The following GBE1 variants were observed in gnomAD, a reference collection of about 807,000 sequenced individuals.
The protein encoded by GBE1 is 1,4-alpha-glucan-branching enzyme.
A neutral mutation model predicts 88.8 loss-of-function variants in GBE1; 70 were observed. The ratio of observed to expected loss-of-function variants is 0.79; its 90% CI spans 0.65 to 0.96. The LOEUF is 0.96. GBE1 is among the 40% of genes least tolerant of loss of function. GBE1 has a pLI of 0.00. For synonymous variants in GBE1, 284 were observed against 300.1 expected, an observed-to-expected ratio of 0.95 and a Z score of 0.56; for missense variants, 872 against 871.0, an observed-to-expected ratio of 1.00 and a Z score of -0.01.
In GBE1 at chr3:81,592,744, G is replaced by A. The variant is rs143739918; in HGVS notation, c.1108+1164C>T. ...AATTCTTGGAAGATACTCCTCTCTC[G>A]GTGAGGTAGTTTCTGCAGGGGCACG... On this transcript the variant is annotated intron_variant, in intron 8 of 15. Transcript: ENST00000429644. 4.5e-3 allele frequency among the ~76,000 whole-genome samples: 677 copies of A among 151,932 alleles called. 6 individuals carry two copies. The highest frequency in any genetic ancestry group is 0.027 in the Middle Eastern group (8 of 294).
At chr3:81,752,403 C>T (rs1706543073) in intron 1 of GBE1, among the ~76,000 whole-genome samples, 1 of 152,158 alleles carries the variant, frequency 6.6e-6, no homozygotes, top group African/African-American at 2.4e-5. Flanking sequence ...ATTCCTCTAA[C>T]CATCTACAGT....
intron 12 of GBE1, among the ~76,000 whole-genome samples, chr3:81,563,206 A>C (rs181095474): frequency 1.4e-4 from 22 of 152,278 alleles, no homozygotes; most frequent in African/African-American, 5.3e-4. Context: ...TGGAAAGAAG[A>C]TCTGTAGGTT....
intron 14 of GBE1, among the ~76,000 whole-genome samples, chr3:81,521,565 A>C (rs1479326687): frequency 2.6e-5 from 4 of 151,616 alleles, no homozygotes; most frequent in African/African-American, 9.7e-5. Context: ...AAAAGGCCAA[A>C]ATGAGACAAA....
At chr3:81,629,040 T>TTA (rs1704465885) in intron 7 of GBE1, among the ~76,000 whole-genome samples, 3 of 142,368 alleles carry the variant, frequency 2.1e-5, no homozygotes, top group Non-Finnish European at 4.6e-5. Context: ...TTTTTTTTTT[T>TTA]ATTATACTCT....
chr3:81,717,601 C>T (rs572387635), intron 1 of GBE1, among the ~76,000 whole-genome samples: 63 of 152,230 alleles, frequency 4.1e-4, no homozygotes, highest in African/African-American at 1.5e-3. Context: ...GTTAAAGAAT[C>T]GAAAGGTCCA....
intron 7 of GBE1, among the ~76,000 whole-genome samples, chr3:81,622,639 C>T (rs1395411376): frequency 1.3e-5 from 2 of 152,200 alleles, no homozygotes; most frequent in Non-Finnish European, 2.9e-5. Context: ...ACATGCATCT[C>T]GCACTTGTGA....
Position 81,490,269 on chromosome 3 carries a change from C to A in GBE1, c.*138G>T. 1 of 719,224 alleles carries A rather than the reference C, an allele frequency of 1.4e-6. No individual in the cohort carries two copies. The highest frequency in any genetic ancestry group is 2.4e-6 in the Non-Finnish European group (1 of 409,630). 44.6% of individuals were successfully genotyped at this position (719,224 alleles called of 1,614,324 possible). A position where few individuals can be genotyped will look rare whatever the true frequency, so the allele number is the denominator to read the frequency against. On this transcript the variant is annotated 3_prime_UTR_variant, in exon 16 of 16. Coordinates refer to ENST00000429644, the MANE Select transcript of GBE1 (RefSeq NM_000158.4). ...AAAAGTTTGCTGTATTTGCATAAACCAATATTGAATTTCAGACACTTGATG... is the reference window on the plus strand; with the variant it reads ...AAAAGTTTGCTGTATTTGCATAAACAAATATTGAATTTCAGACACTTGATG...
chr3:81,626,774 G>T (rs1233293877), intron 7 of GBE1, among the ~76,000 whole-genome samples: 3 of 150,280 alleles, frequency 2.0e-5, no homozygotes, highest in Non-Finnish European at 4.4e-5. Context: ...ATGTGCATTT[G>T]AAGTGTTTCA....
At chr3:81,682,078 T>A (rs1407025105) in intron 2 of GBE1, among the ~76,000 whole-genome samples, 1 of 152,146 alleles carries the variant, frequency 6.6e-6, no homozygotes. Context: ...AACAATTGAA[T>A]AAAAAAGACA....
chr3:81,537,195 G>A (rs1703089756), intron 12 of GBE1, 100 bp from the exon 13 acceptor site: 1 of 826,330 alleles, frequency 1.2e-6, no homozygotes, highest in Non-Finnish European at 1.7e-6. Context: ...TTTAAATTTA[G>A]TTTAGGCTAT....
chr3:81,681,902 G>A (rs982407048), intron 2 of GBE1, among the ~76,000 whole-genome samples: 4 of 151,972 alleles, frequency 2.6e-5, no homozygotes, highest in Non-Finnish European at 5.9e-5. Context: ...AAAAGTACAA[G>A]TAGCAAATGA....
At chr3:81,749,730 G>C (rs1450469809) in intron 1 of GBE1, among the ~76,000 whole-genome samples, 1 of 152,116 alleles carries the variant, frequency 6.6e-6, no homozygotes, top group East Asian at 1.9e-4. Context: ...CTTAGTGAAG[G>C]GTAGAGGAGC....
chr3:81,705,987 C>T (rs1015563009), intron 1 of GBE1, among the ~76,000 whole-genome samples: 1 of 152,076 alleles, frequency 6.6e-6, no homozygotes, highest in South Asian at 2.1e-4. Flanking sequence ...TGAAATAACA[C>T]AGTCAAAATT....
intron 14 of GBE1, among the ~76,000 whole-genome samples, chr3:81,520,242 T>C (rs1385857161): frequency 1.3e-5 from 2 of 151,538 alleles, no homozygotes; most frequent in Non-Finnish European, 3.0e-5. Context: ...AAACCCTGGC[T>C]GGGCAACTCT....
intron 2 of GBE1, among the ~76,000 whole-genome samples, chr3:81,685,974 C>T (rs937467709): frequency 2.0e-5 from 3 of 152,146 alleles, no homozygotes; most frequent in Admixed American, 1.3e-4. Context: ...TTGAAAATTT[C>T]GAGTCCCAAC....
At chr3:81,677,639 TG>T (rs1705279810) in intron 2 of GBE1, among the ~76,000 whole-genome samples, 1 of 152,270 alleles carries the variant, frequency 6.6e-6, no homozygotes, top group Non-Finnish European at 1.5e-5. Context: ...ACTCAGTGTC[TG>T]GGGGGTGACT....
intron 14 of GBE1, among the ~76,000 whole-genome samples, chr3:81,506,358 A>ATCTC (rs1269205748): frequency 6.6e-6 from 1 of 152,194 alleles, no homozygotes; most frequent in Non-Finnish European, 1.5e-5. Flanking sequence ...AAGAGACACC[A>ATCTC]TCTCACACCA....
In GBE1 at chr3:81,574,671, T is replaced by C. The variant is rs559878122; in HGVS notation, c.1618+3254A>G. Among the ~76,000 whole-genome samples the C allele has an allele frequency of 1.3e-3, 203 of 152,288 alleles. 1 individual carries two copies. Among genetic ancestry groups the C allele is most frequent in the African/African-American group, 4.8e-3 (198 of 41,560 alleles). On this transcript the variant is annotated intron_variant, in intron 12 of 15. Coordinates refer to ENST00000429644, the MANE Select transcript of GBE1 (RefSeq NM_000158.4). ...AGGCAACTGACCAGCTGCCGAAATT[T>C]TCTGGTTGTGCAAACTGAGGCATGT...
intron 12 of GBE1, among the ~76,000 whole-genome samples, chr3:81,571,621 C>A (rs1470443806): frequency 1.3e-5 from 2 of 152,042 alleles, no homozygotes; most frequent in South Asian, 2.1e-4. Flanking sequence ...ACACTACAAT[C>A]CCCAGGAGGA....
Sources: allele counts gnomAD v4.1 joint callset (sites outside exome capture counted in the v4.1 genomes callset), GRCh38; gene constraint gnomAD v4.1.1; transcripts MANE v1.5; gene names NCBI Gene and HGNC (gene_info 2026-07-23, HGNC 2026-07-21).